PRDM16: variants seen among roughly 807,000 people sequenced by gnomAD.
The protein encoded by PRDM16 is histone-lysine N-methyltransferase PRDM16.
In PRDM16, 23 loss-of-function variants were observed where a neutral mutation model predicts 110.6. The observed-to-expected ratio is 0.21, with a 90% confidence interval of 0.15 to 0.29. The LOEUF is 0.29. Among genes scored for constraint, PRDM16 ranks in the 10% least tolerant of loss-of-function variants. PRDM16 has a pLI of 1.00. For missense variants in PRDM16, 1,615 were observed against 1,794.3 expected (o/e 0.90, Z 1.81); for synonymous variants, 799 against 781.8 (o/e 1.02, Z -0.37).
At chr1:3,096,993 G>A (rs1410257776) in intron 1 of PRDM16, among the ~76,000 whole-genome samples, 20 of 152,018 alleles carry the variant, frequency 1.3e-4, no homozygotes, top group Non-Finnish European at 2.5e-4. Flanking sequence ...GTAGAGTCTC[G>A]GCTCCCTCTG....
chr1:3,256,051 A>T (rs1640039475), intron 3 of PRDM16, among the ~76,000 whole-genome samples: 1 of 152,208 alleles, frequency 6.6e-6, no homozygotes, highest in African/African-American at 2.4e-5. Context: ...CTGGGACTGG[A>T]GAACAGCTCA....
At chr1:3,409,991 G>T (rs1391600343) in intron 8 of PRDM16, among the ~76,000 whole-genome samples, 3 of 116,768 alleles carry the variant, frequency 2.6e-5, no homozygotes, top group South Asian at 3.0e-4. Context: ...GCATGGGGGG[G>T]TGTGGGGGGT....
At chr1:3,240,151 G>C (rs978111008) in intron 2 of PRDM16, among the ~76,000 whole-genome samples, 3 of 151,620 alleles carry the variant, frequency 2.0e-5, no homozygotes, top group Admixed American at 6.6e-5. Flanking sequence ...AGTTAGAGCC[G>C]AGCTGGGCAT....
intron 8 of PRDM16, among the ~76,000 whole-genome samples, chr1:3,408,287 T>C (rs1225726327): frequency 2.6e-5 from 4 of 152,182 alleles, no homozygotes; most frequent in Non-Finnish European, 5.9e-5. Context: ...GGTGGTGTCT[T>C]TCCCACCAAG....
chr1:3,298,651 C>T (rs1641141551), intron 3 of PRDM16, among the ~76,000 whole-genome samples: 1 of 152,082 alleles, frequency 6.6e-6, no homozygotes, highest in African/African-American at 2.4e-5. Context: ...AAGAGACTCT[C>T]CTGCTTGTTC....
rs150093865 is a variant in PRDM16, at chr1:3,338,970, A to G, written c.439-46182A>G. On this transcript the variant is annotated intron_variant, in intron 3 of 16. Coordinates refer to ENST00000270722, the MANE Select transcript of PRDM16 (RefSeq NM_022114.4). ...CCCCAGAGCCCAGCAAGCAGGAAGAAGCCCGTTGTGACAGTGACAGGCACC... is the reference window on the plus strand; with the variant it reads ...CCCCAGAGCCCAGCAAGCAGGAAGAGGCCCGTTGTGACAGTGACAGGCACC... 3.3e-3 allele frequency among the ~76,000 whole-genome samples: 495 copies of G among 152,296 alleles called. 1 individual carries two copies. Among genetic ancestry groups the G allele is most frequent in the African/African-American group, 0.012 (480 of 41,574 alleles).
chr1:3,192,503 G>A (rs924751421), intron 2 of PRDM16, among the ~76,000 whole-genome samples: 1 of 152,206 alleles, frequency 6.6e-6, no homozygotes, highest in Admixed American at 6.5e-5. Flanking sequence ...TGTGGGTTCA[G>A]GACTGGGTTT....
At chr1:3,222,239 C>T (rs1439533578) in intron 2 of PRDM16, among the ~76,000 whole-genome samples, 3 of 148,332 alleles carry the variant, frequency 2.0e-5, no homozygotes, top group African/African-American at 7.5e-5. Flanking sequence ...CCCAGCCCAG[C>T]CTCCCCCAGT....
chr1:3,145,768 G>A (rs978604139), intron 1 of PRDM16, among the ~76,000 whole-genome samples: 1 of 152,182 alleles, frequency 6.6e-6, no homozygotes, highest in Admixed American at 6.5e-5. Flanking sequence ...GGTCATTCCT[G>A]CCCACCGAGG....
At chr1:3,220,643 G>A (rs1015096465) in intron 2 of PRDM16, among the ~76,000 whole-genome samples, 1 of 152,204 alleles carries the variant, frequency 6.6e-6, no homozygotes, top group Non-Finnish European at 1.5e-5. Context: ...TTTCTTGAAA[G>A]GACACCATTT....
chr1:3,389,506 A>G (rs1333249331), intron 4 of PRDM16, among the ~76,000 whole-genome samples: 3 of 152,040 alleles, frequency 2.0e-5, no homozygotes, highest in Non-Finnish European at 2.9e-5. Context: ...GCCCCAGGGG[A>G]CCTCTTGAGA....
chr1:3,073,799 C>T (rs1039984201), intron 1 of PRDM16, among the ~76,000 whole-genome samples: 3 of 152,156 alleles, frequency 2.0e-5, no homozygotes, highest in African/African-American at 7.2e-5. Context: ...CCTGGCCCAG[C>T]GGGAGCGGCG....
In PRDM16 at chr1:3,164,451, C is replaced by T. The variant is rs1293784560; in HGVS notation, c.38-21674C>T. Reference sequence around the variant, plus strand: ...GCGGGGGACCCTGCCAGGAGGGCACCGAGGGCCATGGCCACGTACAGAAAG... The same window carrying T: ...GCGGGGGACCCTGCCAGGAGGGCACTGAGGGCCATGGCCACGTACAGAAAG... On this transcript the variant is annotated intron_variant, in intron 1 of 16. Transcript: ENST00000270722. Among the ~76,000 whole-genome samples the T allele has an allele frequency of 3.9e-5, 6 of 152,290 alleles. No homozygotes were observed. In the South Asian group the frequency reaches 6.2e-4, roughly 16 times the overall value.
chr1:3,335,620 C>A (rs949449712), intron 3 of PRDM16, among the ~76,000 whole-genome samples: 63 of 151,916 alleles, frequency 4.1e-4, no homozygotes, highest in Non-Finnish European at 7.5e-4. Context: ...CACACACACA[C>A]ACACACACAC....
At chr1:3,108,875 G>A (rs1479972102) in intron 1 of PRDM16, among the ~76,000 whole-genome samples, 1 of 150,700 alleles carries the variant, frequency 6.6e-6, no homozygotes, top group African/African-American at 2.4e-5. Context: ...GAAACAGCCT[G>A]ACCAACATGA....
intron 1 of PRDM16, among the ~76,000 whole-genome samples, chr1:3,127,213 C>T (rs536324454): frequency 6.6e-6 from 1 of 152,380 alleles, no homozygotes; most frequent in African/African-American, 2.4e-5. Flanking sequence ...TTCTGCGATC[C>T]TCGCTTGACC....
intron 1 of PRDM16, among the ~76,000 whole-genome samples, chr1:3,100,662 G>A (rs547930420): frequency 1.3e-5 from 2 of 152,288 alleles, no homozygotes; most frequent in East Asian, 1.9e-4. Context: ...CATGTAACCC[G>A]TTTGCCCAGG....
intron 1 of PRDM16, among the ~76,000 whole-genome samples, chr1:3,086,941 C>G (rs1175105733): frequency 6.6e-6 from 1 of 151,948 alleles, no homozygotes; most frequent in Non-Finnish European, 1.5e-5. Context: ...TCACTCACCT[C>G]CAATGAAAGT....
rs1557676667 is a variant in PRDM16, at chr1:3,435,662, GTGTGGACATCT to G, written c.*1852_*1862del. 3.9e-5 allele frequency: 9 copies of G among 229,110 alleles called. No individual in the cohort carries two copies. The highest frequency in any genetic ancestry group is 6.9e-5 in the Non-Finnish European group (8 of 115,262). The allele number at this position is 229,110 out of a possible 1,614,324, so 14.2% of individuals were successfully genotyped here. ...CCGCCTTGGTGTGGGTTTGTGTCAC[GTGTGGACATCT>G]CCTCAGGCTTTGTGTCACGCGTGGA... is the stretch of plus-strand genomic sequence containing the variant. On this transcript the variant is annotated 3_prime_UTR_variant, in exon 17 of 17. Coordinates refer to ENST00000270722, the MANE Select transcript of PRDM16 (RefSeq NM_022114.4).
Sources: allele counts gnomAD v4.1 joint callset (sites outside exome capture counted in the v4.1 genomes callset), GRCh38; gene constraint gnomAD v4.1.1; transcripts MANE v1.5; gene names NCBI Gene and HGNC (gene_info 2026-07-23, HGNC 2026-07-21).